The following GALNT18 variants were observed in gnomAD, a reference collection of about 807,000 sequenced individuals.
GALNT18 encodes the protein polypeptide N-acetylgalactosaminyltransferase 18.
In GALNT18, 44 loss-of-function variants were observed where a neutral mutation model predicts 69.5. The observed-to-expected ratio is 0.63, with a 90% confidence interval of 0.50 to 0.81. GALNT18 has a LOEUF of 0.81. GALNT18 is among the 40% of genes least tolerant of loss of function. The pLI, the probability that GALNT18 is intolerant of heterozygous loss-of-function variation, is 0.00. For synonymous variants in GALNT18, 364 were observed against 318.2 expected (o/e 1.14, Z -1.53); for missense variants, 715 against 810.0 (o/e 0.88, Z 1.42).
intron 1 of GALNT18, among the ~76,000 whole-genome samples, chr11:11,612,440 T>C (rs1859930649): frequency 6.6e-6 from 1 of 152,204 alleles, no homozygotes; most frequent in Non-Finnish European, 1.5e-5. Context: ...TTCAAATCTC[T>C]CCTTAGCTTT....
chr11:11,324,856 G>T (rs1202538312), intron 9 of GALNT18, among the ~76,000 whole-genome samples: 1 of 152,076 alleles, frequency 6.6e-6, no homozygotes, highest in Admixed American at 6.5e-5. Context: ...ACTGTGGGTT[G>T]TCTGTTTAAT....
rs1047775924 is a variant in GALNT18, at chr11:11,430,416, G to A, written c.595+2205C>T. On this transcript the variant is annotated intron_variant, in intron 3 of 10. Transcript: ENST00000227756. The surrounding 1 kb of genome is among the most constrained non-coding windows in gnomAD (Gnocchi z 4.9). Reference sequence around the variant, plus strand: ...TTCGGATCTCTCCTTACATAGGCAGGCACTGGTTTGGGTGTGCATATACAG... The same window carrying A: ...TTCGGATCTCTCCTTACATAGGCAGACACTGGTTTGGGTGTGCATATACAG... Among the ~76,000 whole-genome samples, 2 of 152,164 alleles carry A rather than the reference G, an allele frequency of 1.3e-5. No individual in the cohort carries two copies. The highest frequency in any genetic ancestry group is 2.9e-5 in the Non-Finnish European group (2 of 68,042).
intron 2 of GALNT18, among the ~76,000 whole-genome samples, chr11:11,437,731 A>C (rs1855435519): frequency 8.2e-6 from 1 of 122,376 alleles, no homozygotes; most frequent in African/African-American, 3.1e-5. Flanking sequence ...ATCAGAGTGA[A>C]TTGTTCATAG....
intron 3 of GALNT18, among the ~76,000 whole-genome samples, chr11:11,424,071 G>A (rs543344897): frequency 9.2e-5 from 14 of 152,302 alleles, no homozygotes; most frequent in African/African-American, 1.7e-4. Flanking sequence ...TGCCCAGCTG[G>A]AAGCCTGAAC....
intron 1 of GALNT18, among the ~76,000 whole-genome samples, chr11:11,578,618 G>A (rs1002029752): frequency 3.3e-5 from 5 of 152,196 alleles, no homozygotes; most frequent in East Asian, 3.9e-4. Context: ...AGCAAAAAGC[G>A]ACAAGGCATC....
rs1850200718 is a variant in GALNT18 at position 11,341,208 on chromosome 11, T to C, written c.1093-204A>G. Among the ~76,000 whole-genome samples the C allele has an allele frequency of 6.6e-6, 1 of 152,190 alleles. No homozygotes were observed. The highest frequency in any genetic ancestry group is 2.4e-5 in the African/African-American group (1 of 41,440). Reference sequence around the variant, plus strand: ...GCTATGGAGTCATTAATTCATATATTGGCTCTTATTGCTGTGGATTTACCA... The same window carrying C: ...GCTATGGAGTCATTAATTCATATATCGGCTCTTATTGCTGTGGATTTACCA... On this transcript the variant is annotated intron_variant, in intron 6 of 10. Transcript: ENST00000227756. The surrounding 1 kb of genome is among the most constrained non-coding windows in gnomAD (Gnocchi z 6.3).
rs1443222298 is a variant in GALNT18, at chr11:11,320,564, A to G, written c.1512+6522T>C. Among the ~76,000 whole-genome samples the G allele has an allele frequency of 6.6e-6, 1 of 152,194 alleles. No homozygotes were observed. Among genetic ancestry groups the G allele is most frequent in the Non-Finnish European group, 1.5e-5 (1 of 68,028 alleles). ...CACCTGTCCACAGTCTCCTTCTGAG[A>G]TGTACCCTGACTTCATTCTCAGGTA... On this transcript the variant is annotated intron_variant, in intron 9 of 10. Transcript: ENST00000227756. The surrounding 1 kb of genome is among the most constrained non-coding windows in gnomAD (Gnocchi z 4.9).
rs144590497 is a variant in GALNT18 at position 11,597,577 on chromosome 11, A to G, written c.235+23782T>C. 2.8e-3 allele frequency among the ~76,000 whole-genome samples: 427 copies of G among 151,860 alleles called. 1 individual carries two copies. The highest frequency in any genetic ancestry group is 4.8e-3 in the Non-Finnish European group (324 of 67,936). ...TAAGTTGCCTAATAATTTTTTTGGT[A>G]TATCATTTTATTATAATCCTTCTTT... On this transcript the variant is annotated intron_variant, in intron 1 of 10. Transcript: ENST00000227756.
intron 1 of GALNT18, among the ~76,000 whole-genome samples, chr11:11,450,349 C>T (rs1218957841): frequency 6.6e-6 from 1 of 152,160 alleles, no homozygotes; most frequent in African/African-American, 2.4e-5. Flanking sequence ...TGGACTGCCA[C>T]CTCCTCATGC....
At chr11:11,368,838 C>T (rs113950030) in intron 6 of GALNT18, among the ~76,000 whole-genome samples, 9,372 of 152,188 alleles carry the variant, frequency 0.062, 323 homozygotes, top group South Asian at 0.088. Flanking sequence ...TTTGCCTGTC[C>T]GCTGATTTTG....
chr11:11,340,714 A>G lies in GALNT18; in HGVS notation c.1278+105T>C. 6.4e-6 allele frequency: 7 copies of G among 1,101,734 alleles called. No homozygotes were observed. Among genetic ancestry groups the G allele is most frequent in the Non-Finnish European group, 9.1e-6 (7 of 769,032 alleles). The allele number at this position is 1,101,734 out of a possible 1,614,324, so 68.2% of individuals were successfully genotyped here. On this transcript the variant is annotated intron_variant, in intron 7 of 10. Transcript: ENST00000227756. This position sits in a 1 kb window ranked among gnomAD's most constrained non-coding sequence, Gnocchi z 4.2. ...GTTGAGAGTCCATTCTTGCATGGCA[A>G]ACAGGACTCTGGCTGACCCATAGGA...
At position 11,444,081 on chromosome 11, in the gene GALNT18, C is replaced by G. The variant is rs2133812687; in HGVS notation, c.428+4663G>C. Among the ~76,000 whole-genome samples the G allele has an allele frequency of 6.6e-6, 1 of 152,324 alleles. No homozygotes were observed. The highest frequency in any genetic ancestry group is 2.1e-4 in the South Asian group (1 of 4,822). On this transcript the variant is annotated intron_variant, in intron 2 of 10. Coordinates refer to ENST00000227756, the MANE Select transcript of GALNT18 (RefSeq NM_198516.3). This position sits in a 1 kb window ranked among gnomAD's most constrained non-coding sequence, Gnocchi z 4.4. The stretch of plus-strand genomic sequence containing the variant: ...CAAAGTTCAAAGATCCCAGATGTCT[C>G]TCTAGAGTCTGGACTGTTAAAACAA...
intron 9 of GALNT18, among the ~76,000 whole-genome samples, chr11:11,299,393 G>A (rs1429822392): frequency 6.6e-6 from 1 of 152,130 alleles, no homozygotes. Context: ...TGAACTGCTC[G>A]CCTCGGCCTC....
intron 5 of GALNT18, among the ~76,000 whole-genome samples, chr11:11,374,049 T>G (rs78948517): frequency 0.061 from 9,229 of 152,264 alleles, 395 homozygotes; most frequent in South Asian, 0.17. Flanking sequence ...GGGCAGAGAC[T>G]GACACCCTGG....
rs1294181443 is a variant in GALNT18 at position 11,505,367 on chromosome 11, A to T, written c.236-56431T>A. Among the ~76,000 whole-genome samples the T allele has an allele frequency of 6.6e-6, 1 of 152,194 alleles. No individual in the cohort carries two copies. The highest frequency in any genetic ancestry group is 2.4e-5 in the African/African-American group (1 of 41,444). ...AACAGTGTGAGTTACCAGATTCTTG[A>T]ATCTCTATGAAGGATGGCAGGCAGA... On this transcript the variant is annotated intron_variant, in intron 1 of 10. Transcript: ENST00000227756. This position sits in a 1 kb window ranked among gnomAD's most constrained non-coding sequence, Gnocchi z 4.6.
Position 11,339,135 on chromosome 11 carries a change from G to T in GALNT18, c.1278+1684C>A, listed in dbSNP as rs1418089543. ...GAGGACATTTGGACACAGGGAACAGGAGAGGAAAGAGAATTATTTTCGGAA... is the reference window on the plus strand; with the variant it reads ...GAGGACATTTGGACACAGGGAACAGTAGAGGAAAGAGAATTATTTTCGGAA... On this transcript the variant is annotated intron_variant, in intron 7 of 10. Transcript: ENST00000227756. The surrounding 1 kb of genome is among the most constrained non-coding windows in gnomAD (Gnocchi z 5.2). Among the ~76,000 whole-genome samples, 3 of 152,108 alleles carry T rather than the reference G, an allele frequency of 2.0e-5. No homozygotes were observed. The highest frequency in any genetic ancestry group is 1.5e-5 in the Non-Finnish European group (1 of 68,014).
intron 1 of GALNT18, among the ~76,000 whole-genome samples, chr11:11,588,430 G>A (rs1021578044): frequency 2.0e-5 from 3 of 152,182 alleles, no homozygotes; most frequent in African/African-American, 7.2e-5. Flanking sequence ...TAGGAGGGAG[G>A]GAAGGAATAA....
At chr11:11,522,474 T>C (rs964776503) in intron 1 of GALNT18, among the ~76,000 whole-genome samples, 5 of 152,100 alleles carry the variant, frequency 3.3e-5, no homozygotes, top group African/African-American at 9.7e-5. Context: ...CCCTGCCACA[T>C]AGCACAGACA....
intron 9 of GALNT18, among the ~76,000 whole-genome samples, chr11:11,300,385 G>C (rs1363650877): frequency 6.6e-6 from 1 of 152,214 alleles, no homozygotes; most frequent in Admixed American, 6.5e-5. Flanking sequence ...GTTTACAAGA[G>C]GTTCTAGAAC....
Sources: allele counts gnomAD v4.1 joint callset (sites outside exome capture counted in the v4.1 genomes callset), GRCh38; gene constraint gnomAD v4.1.1; non-coding constraint Gnocchi (gnomAD v3.1); transcripts MANE v1.5; gene names NCBI Gene and HGNC (gene_info 2026-07-23, HGNC 2026-07-21).